Variants in PWWP2A observed in about 807,000 individuals in gnomAD.
PWWP2A encodes PWWP domain-containing protein 2A.
PWWP2A carries 18 observed loss-of-function variants against 48.5 expected under a neutral mutation model. That is an observed-to-expected ratio of 0.37 (90% confidence interval 0.26 to 0.55). The LOEUF (loss-of-function observed/expected upper bound fraction) is 0.55, where lower values mean the gene tolerates loss of function less well. Among genes scored for constraint, PWWP2A ranks in the 20% least tolerant of loss-of-function variants. PWWP2A has a pLI of 0.81. For missense variants in PWWP2A, 867 were observed against 976.4 expected (o/e 0.89, Z 1.49); for synonymous variants, 396 against 387.7 (o/e 1.02, Z -0.25).
chr5:160,109,183 C>T (rs1340314714), intron 1 of PWWP2A, among the ~76,000 whole-genome samples: 2 of 152,068 alleles, frequency 1.3e-5, no homozygotes, highest in Non-Finnish European at 2.9e-5. Flanking sequence ...GGGGTTTCGC[C>T]ATGTTGGCCA....
At chr5:160,112,786 A>G (rs1023771017) in intron 1 of PWWP2A, among the ~76,000 whole-genome samples, 1 of 152,216 alleles carries the variant, frequency 6.6e-6, no homozygotes, top group Non-Finnish European at 1.5e-5. Flanking sequence ...CCTAAGAACT[A>G]GGAAATGGAG....
intron 1 of PWWP2A, among the ~76,000 whole-genome samples, chr5:160,096,391 C>A (rs1420134804): frequency 1.3e-5 from 2 of 152,118 alleles, no homozygotes; most frequent in Non-Finnish European, 2.9e-5. Flanking sequence ...AGCATTTAAC[C>A]CTTTCTTACA....
In PWWP2A at chr5:160,119,393, T is replaced by C. The variant is rs777373459; in HGVS notation, c.-5A>G. The stretch of plus-strand genomic sequence containing the variant: ...CTCTGCAGCCACGGCCGCCATTTTC[T>C]TCCTAGCTTCTCCCTCCTCCAACTC... On this transcript the variant is annotated 5_prime_UTR_variant, in exon 1 of 2. Coordinates refer to ENST00000307063, the MANE Select transcript of PWWP2A (RefSeq NM_001130864.2). 3 of 1,352,852 alleles carry C rather than the reference T, an allele frequency of 2.2e-6. No homozygotes were observed. Among genetic ancestry groups the C allele is most frequent in the Non-Finnish European group, 2.8e-6 (3 of 1,058,476 alleles). The allele number at this position is 1,352,852 out of a possible 1,614,324, so 83.8% of individuals were successfully genotyped here.
At chr5:160,097,883 T>C (rs1755855656) in intron 1 of PWWP2A, among the ~76,000 whole-genome samples, 1 of 151,806 alleles carries the variant, frequency 6.6e-6, no homozygotes, top group Non-Finnish European at 1.5e-5. Flanking sequence ...GCCTGGCTAA[T>C]TTTTGTATTT....
At chr5:160,060,393 C>T (rs1246059379), downstream of PWWP2A, among the ~76,000 whole-genome samples, 4 of 152,198 alleles carry the variant, frequency 2.6e-5, no homozygotes, top group Non-Finnish European at 4.4e-5. Context: ...ACTCGGATCC[C>T]TGTCTCTAAA....
intron 2 of PWWP2A, chr5:160,066,899 TTAGC>T (rs1380597383): frequency 6.6e-6 from 1 of 151,424 alleles, no homozygotes; most frequent in East Asian, 1.9e-4. Flanking sequence ...AAAAAAAAAA[TTAGC>T]TAGGCGTAGC....
Position 160,077,867 on chromosome 5 carries a change from T to TCGGTGGTCGCCGTA in PWWP2A, c.*287_*288insTACGGCGACCACCG. 2 of 354,008 alleles carry TCGGTGGTCGCCGTA rather than the reference T, an allele frequency of 5.6e-6. No homozygotes were observed. Among genetic ancestry groups the TCGGTGGTCGCCGTA allele is most frequent in the South Asian group, 1.0e-4 (2 of 19,982 alleles). The allele number at this position is 354,008 out of a possible 1,614,324, so 21.9% of individuals were successfully genotyped here. On this transcript the variant is annotated 3_prime_UTR_variant, in exon 4 of 4. Transcript: ENST00000456329. This position sits in a 1 kb window ranked among gnomAD's most constrained non-coding sequence, Gnocchi z 4.2. ...CCAAAGAAGTTACTGTCAGTGTTTC[T>TCGGTGGTCGCCGTA]TCATATATAAAATTCAAGTGAGTTC...
At position 160,093,191 on chromosome 5, in the gene PWWP2A, C is replaced by T. The variant is rs771138500; in HGVS notation, c.1459G>A (p.Asp487Asn). 6.2e-7 allele frequency: 1 copy of T among 1,613,922 alleles called. No homozygotes were observed. The highest frequency in any genetic ancestry group is 1.1e-5 in the South Asian group (1 of 91,068). ...TCAAGTCCTGTCTTCAGAGAAGAGT[C>T]ATTTTCTTCATTCCTGTACCTCTGT... The part of the protein sequence containing the change: ...KPQRYRNEEN[D>N]SSLKTGLEKM... The change falls in exon 2 of 2, where the codon GAC (aspartate) becomes AAC (asparagine). Residue 487 changes from aspartate to asparagine, a missense_variant. Around this residue, in one of 4 missense-constraint regions of PWWP2A, gnomAD observed 382 missense variants for 407.2 expected, o/e 0.94. Transcript: ENST00000307063. The surrounding 1 kb of genome is among the most constrained non-coding windows in gnomAD (Gnocchi z 5.8).
the PWWP2A span, chr5:160,051,060 C>G: frequency 7.7e-7 from 1 of 1,301,380 alleles, no homozygotes; most frequent in Non-Finnish European, 1.1e-6. Flanking sequence ...TTCTCAAATT[C>G]AAAATAAAGG....
chr5:160,046,514 C>T, the PWWP2A span, among the ~76,000 whole-genome samples: 2 of 152,010 alleles, frequency 1.3e-5, no homozygotes, highest in East Asian at 3.8e-4. Context: ...TATTTTCTCC[C>T]TAAGTGATCT....
chr5:160,075,611 G>A (rs1013536611), downstream of PWWP2A, among the ~76,000 whole-genome samples: 1 of 151,930 alleles, frequency 6.6e-6, no homozygotes, highest in Admixed American at 6.6e-5. Context: ...CTGAAGGGTA[G>A]GTTGTTTCTA....
At chr5:160,049,698 A>G in the PWWP2A span, 8 of 1,471,402 alleles carry the variant, frequency 5.4e-6, no homozygotes, top group Middle Eastern at 2.5e-4. Context: ...TTTTCCTTCT[A>G]TTCTTTGTGT....
Position 160,106,933 on chromosome 5 carries a change from C to G in PWWP2A, c.584+11872G>C, listed in dbSNP as rs1224754599. 4.0e-5 allele frequency among the ~76,000 whole-genome samples: 6 copies of G among 149,194 alleles called. No individual in the cohort carries two copies. The East Asian group carries it at 1.2e-3, about 30-fold the overall frequency. On this transcript the variant is annotated intron_variant, in intron 1 of 1. Transcript: ENST00000307063. ...TCACCTCCCAGGCTCAAGTGATTCT[C>G]ATGTCTCAGCCTCCCAAGTAGCTGG...
At chr5:160,052,561 A>AAAC in the PWWP2A span, among the ~76,000 whole-genome samples, 1 of 151,254 alleles carries the variant, frequency 6.6e-6, no homozygotes, top group Non-Finnish European at 1.5e-5. Flanking sequence ...AAAAAAAAAA[A>AAAC]AAAAAAAAAA....
rs1179288439 is a variant in PWWP2A, at chr5:160,077,373, T to C, written c.*782A>G. 1 of 152,168 alleles carries C rather than the reference T, an allele frequency of 6.6e-6. No homozygotes were observed. Among genetic ancestry groups the C allele is most frequent in the Non-Finnish European group, 1.5e-5 (1 of 68,028 alleles). 9.4% of individuals were successfully genotyped at this position (152,168 alleles called of 1,614,324 possible). A position where few individuals can be genotyped will look rare whatever the true frequency, so the allele number is the denominator to read the frequency against. ...GAACTAGCTCTTGGAGTATATACAT[T>C]TGCACTCCAATATCAACACTAGCCT... On this transcript the variant is annotated 3_prime_UTR_variant, in exon 4 of 4. Coordinates refer to the PWWP2A transcript ENST00000456329. This position sits in a 1 kb window ranked among gnomAD's most constrained non-coding sequence, Gnocchi z 4.2.
At chr5:160,097,147 G>A (rs1364647694) in intron 1 of PWWP2A, among the ~76,000 whole-genome samples, 2 of 151,544 alleles carry the variant, frequency 1.3e-5, no homozygotes, top group Non-Finnish European at 2.9e-5. Flanking sequence ...GACCAGCCTG[G>A]GCAACATAGG....
At chr5:160,051,298 C>A in the PWWP2A span, 2 of 770,806 alleles carry the variant, frequency 2.6e-6, no homozygotes, top group Non-Finnish European at 4.0e-6. Flanking sequence ...TACCACAAGG[C>A]TACTGACTTC....
chr5:160,098,165 G>A (rs560472005), intron 1 of PWWP2A, among the ~76,000 whole-genome samples: 59 of 152,176 alleles, frequency 3.9e-4, no homozygotes, highest in African/African-American at 1.3e-3. Context: ...TTAATATTTC[G>A]CAACTGGATT....
downstream of PWWP2A, among the ~76,000 whole-genome samples, chr5:160,072,822 C>CA (rs1194188411): frequency 1.3e-5 from 2 of 151,640 alleles, no homozygotes; most frequent in African/African-American, 4.8e-5. Flanking sequence ...GACTCCGTCT[C>CA]AAAAATAAAT....
Sources: gnomAD v4.1 joint callset for allele counts (sites outside exome capture counted in the v4.1 genomes callset) on GRCh38, gnomAD v4.1.1 for gene constraint, gnomAD v4.1.1 regional missense constraint, Gnocchi (gnomAD v3.1) non-coding constraint, MANE v1.5 for transcripts, NCBI Gene and HGNC (gene_info 2026-07-23, HGNC 2026-07-21) for gene names.